Variants in ABCB11 observed in about 807,000 individuals in gnomAD.
ABCB11 encodes the protein ATP binding cassette subfamily B member 11, also known as bile salt export pump.
ABCB11 carries 95 observed loss-of-function variants against 148.0 expected under a neutral mutation model. That is an observed-to-expected ratio of 0.64 (90% CI 0.54 to 0.76). The LOEUF is 0.76. ABCB11 is among the 30% of genes least tolerant of loss of function. The pLI is 0.00. For missense variants in ABCB11, 1,523 were observed against 1,617.8 expected (o/e 0.94, Z 1.01); for synonymous variants, 591 against 555.4 (o/e 1.06, Z -0.90).
At chr2:168,920,360 A>AT (rs1298433953), downstream of ABCB11, among the ~76,000 whole-genome samples, 1 of 137,196 alleles carries the variant, frequency 7.3e-6, no homozygotes, top group East Asian at 2.2e-4. Flanking sequence ...ATCTTAGACT[A>AT]TTTTTTAAAA....
At chr2:168,931,154 G>T (rs1691551875) in intron 24 of ABCB11, among the ~76,000 whole-genome samples, 1 of 152,162 alleles carries the variant, frequency 6.6e-6, no homozygotes, top group South Asian at 2.1e-4. Context: ...GAATAGAAGA[G>T]AATAGCTGGA....
intron 5 of ABCB11, among the ~76,000 whole-genome samples, chr2:168,997,658 T>G (rs1029374823): frequency 1.3e-5 from 2 of 152,064 alleles, no homozygotes; most frequent in South Asian, 4.1e-4. Context: ...TTCTTCATCC[T>G]ACATCCTTTC....
chr2:169,014,235 A>T, intron 4 of ABCB11, 68 bp downstream of exon 4: 153 of 1,088,298 alleles, frequency 1.4e-4, no homozygotes, highest in Non-Finnish European at 2.0e-4. Flanking sequence ...AAGATTTAAC[A>T]CTCCCCTCAT....
chr2:168,981,229 A>G (rs1694126184), intron 10 of ABCB11, among the ~76,000 whole-genome samples: 1 of 152,108 alleles, frequency 6.6e-6, no homozygotes, highest in Admixed American at 6.6e-5. Context: ...CCTCTTCAGT[A>G]ACCTCTTCAT....
At chr2:168,972,528 G>C (rs1476090851) in intron 13 of ABCB11, among the ~76,000 whole-genome samples, 1 of 151,854 alleles carries the variant, frequency 6.6e-6, no homozygotes, top group African/African-American at 2.4e-5. Context: ...ACTATCAGTG[G>C]GAGCAAATAA....
intron 21 of ABCB11, among the ~76,000 whole-genome samples, chr2:168,938,485 A>G (rs1365549000): frequency 6.6e-6 from 1 of 152,182 alleles, no homozygotes; most frequent in Non-Finnish European, 1.5e-5. Flanking sequence ...TCATAGACAC[A>G]GAAAGTAAAA....
chr2:168,998,093 A>C (rs1288357735), intron 5 of ABCB11, among the ~76,000 whole-genome samples: 13 of 152,060 alleles, frequency 8.5e-5, no homozygotes, highest in Admixed American at 8.5e-4. Flanking sequence ...TTATCGATGA[A>C]TATCCACAAT....
rs532868217 is a variant in ABCB11 at position 168,976,531 on chromosome 2, C to T, written c.1308+46G>A. On this transcript the variant is annotated intron_variant, in intron 12 of 27. Transcript: ENST00000650372. ...ATTTGTGGTTATGCAAATAAATCAT[C>T]GAAGAAGAAAACATTTACTATTCTG... 3.6e-5 allele frequency: 41 copies of T among 1,154,486 alleles called. No individual in the cohort carries two copies. The African/African-American group carries it at 4.5e-4, about 13-fold the overall frequency. 71.5% of individuals were successfully genotyped at this position (1,154,486 alleles called of 1,614,324 possible). A position where few individuals can be genotyped will look rare whatever the true frequency, so the allele number is the denominator to read the frequency against.
chr2:168,958,994 T>C lies in ABCB11; in HGVS notation c.2179-866A>G, dbSNP rs917538108. The stretch of plus-strand genomic sequence containing the variant: ...TCTATTGACATTTACCAAAAATATA[T>C]ACAGCAAATCGACTATAAAGCTTAA... On this transcript the variant is annotated intron_variant, in intron 18 of 27. Coordinates refer to ENST00000650372, the MANE Select transcript of ABCB11 (RefSeq NM_003742.4). Among the ~76,000 whole-genome samples the C allele has an allele frequency of 3.3e-5, 5 of 151,728 alleles. No homozygotes were observed. In the East Asian group the frequency reaches 5.9e-4, roughly 18 times the overall value.
chr2:168,928,394 T>C lies in ABCB11; in HGVS notation c.3412-1032A>G, dbSNP rs147312438. Among the ~76,000 whole-genome samples, 340 of 152,254 alleles carry C rather than the reference T, an allele frequency of 2.2e-3. 1 individual carries two copies. Among genetic ancestry groups the C allele is most frequent in the African/African-American group, 8.0e-3 (331 of 41,556 alleles). On this transcript the variant is annotated intron_variant, in intron 25 of 27. Coordinates refer to ENST00000650372, the MANE Select transcript of ABCB11 (RefSeq NM_003742.4). Reference sequence around the variant, plus strand: ...AGGGACTCATGCAGTAACAGGCACATCATAGGTATCCAAATAAATGTTGAA... The same window carrying C: ...AGGGACTCATGCAGTAACAGGCACACCATAGGTATCCAAATAAATGTTGAA...
chr2:168,959,967 A>T, intron 18 of ABCB11, among the ~76,000 whole-genome samples: 1 of 149,644 alleles, frequency 6.7e-6, no homozygotes, highest in Non-Finnish European at 1.5e-5. Flanking sequence ...AAACCCGAAT[A>T]TGAACACTGT....
chr2:169,018,203 T>G, intron 1 of ABCB11, 51 bp from the exon 2 acceptor site: 1 of 1,516,258 alleles, frequency 6.6e-7, no homozygotes, highest in Non-Finnish European at 9.1e-7. Context: ...TTCTTTCTTC[T>G]TTAATCAAAG....
In ABCB11 at chr2:168,975,333, A is replaced by T. The variant is rs369088474; in HGVS notation, c.1308+1244T>A. ...TATTTATAGATAAATATATAAATATATAAATATTTTTATATTTATAGATAA... is the reference window on the plus strand; with the variant it reads ...TATTTATAGATAAATATATAAATATTTAAATATTTTTATATTTATAGATAA... On this transcript the variant is annotated intron_variant, in intron 12 of 27. Coordinates refer to ENST00000650372, the MANE Select transcript of ABCB11 (RefSeq NM_003742.4). Among the ~76,000 whole-genome samples, 74 of 48,166 alleles carry T rather than the reference A, an allele frequency of 1.5e-3. 10 individuals are homozygous for T. Among genetic ancestry groups the T allele is most frequent in the African/African-American group, 7.1e-3 (68 of 9,542 alleles). The allele number at this position is 48,166 out of a possible 152,430, so 31.6% of individuals were successfully genotyped here. A position where few individuals can be genotyped will look rare whatever the true frequency, so the allele number is the denominator to read the frequency against.
chr2:168,980,062 A>G, intron 10 of ABCB11, 83 bp from the exon 11 acceptor site: 1 of 743,986 alleles, frequency 1.3e-6, no homozygotes, highest in South Asian at 1.6e-5. Context: ...TTCCATGTTA[A>G]CGCAGAGAGT....
At chr2:168,977,693 G>A (rs760465325) in intron 11 of ABCB11, among the ~76,000 whole-genome samples, 1 of 152,096 alleles carries the variant, frequency 6.6e-6, no homozygotes, top group Admixed American at 6.6e-5. Flanking sequence ...CAAATGGCTG[G>A]GGAGGCCTCA....
chr2:168,977,929 G>T (rs1363285808), intron 11 of ABCB11, among the ~76,000 whole-genome samples: 2 of 152,102 alleles, frequency 1.3e-5, no homozygotes, highest in African/African-American at 4.8e-5. Flanking sequence ...TAAGATTTGG[G>T]TGGGGACATA....
chr2:168,972,593 T>C (rs1396779365), intron 13 of ABCB11, among the ~76,000 whole-genome samples: 1 of 152,082 alleles, frequency 6.6e-6, no homozygotes, highest in Non-Finnish European at 1.5e-5. Flanking sequence ...ATGATTTCTA[T>C]ATATTCAGAG....
chr2:168,936,378 G>A lies in ABCB11; in HGVS notation c.2666C>T (p.Ala889Val). The A allele has an allele frequency of 6.2e-7, 1 of 1,613,894 alleles. No individual in the cohort carries two copies. Among genetic ancestry groups the A allele is most frequent in the Non-Finnish European group, 8.5e-7 (1 of 1,179,882 alleles). Residue 889 changes from alanine to valine, a missense_variant, in exon 22 of 28, where the codon GCC becomes GTC. By Grantham distance (64) the Ala-to-Val change is moderately conservative. Transcript: ENST00000650372. The part of the protein sequence containing the change: ...IVNSFTNVTV[A>V]MIIAFSFSWK... ...GCTAAAGGAGAAGGCAATGATCATG[G>A]CCACAGTGACGTTAGTGAAGGAATT...
At chr2:169,008,929 T>A (rs1171261035) in intron 5 of ABCB11, among the ~76,000 whole-genome samples, 1 of 152,224 alleles carries the variant, frequency 6.6e-6, no homozygotes, top group African/African-American at 2.4e-5. Flanking sequence ...TAACATGTAT[T>A]ATATCCATAT....
Sources: gnomAD v4.1 joint callset for allele counts (sites outside exome capture counted in the v4.1 genomes callset) on GRCh38, gnomAD v4.1.1 for gene constraint, MANE v1.5 for transcripts, NCBI Gene and HGNC (gene_info 2026-07-23, HGNC 2026-07-21) for gene names.